KLC3: variants seen among roughly 807,000 people sequenced by gnomAD.
KLC3 encodes kinesin light chain 2.
In KLC3, 72 loss-of-function variants were observed where a neutral mutation model predicts 62.9. The observed-to-expected ratio is 1.15, with a 90% confidence interval of 0.95 to 1.39. The LOEUF (loss-of-function observed/expected upper bound fraction) is 1.39, where lower values mean the gene tolerates loss of function less well. KLC3 is among the 40% of genes most tolerant of loss of function. The probability of loss-of-function intolerance (pLI) is 0.00; values close to 1 mark genes in which losing one functional copy is unlikely to be tolerated. For missense variants in KLC3, 848 were observed against 691.6 expected, an observed-to-expected ratio of 1.23 and a Z score of -2.54; for synonymous variants, 377 against 300.5, an observed-to-expected ratio of 1.25 and a Z score of -2.63.
chr19:45,342,641 C>CTGTA (rs976027239), intron 1 of KLC3, among the ~76,000 whole-genome samples: 6 of 152,096 alleles, frequency 3.9e-5, no homozygotes, highest in Admixed American at 1.3e-4. Flanking sequence ...TGGCGGGCAC[C>CTGTA]TGTAATTCCA....
intron 5 of KLC3, 80 bp downstream of exon 5, chr19:45,348,240 C>T: frequency 3.1e-6 from 4 of 1,292,884 alleles, no homozygotes; most frequent in South Asian, 1.4e-5. Context: ...CCTGGTGCCC[C>T]CTCTGTCACC....
At chr19:45,342,455 T>G (rs1443746077) in intron 1 of KLC3, among the ~76,000 whole-genome samples, 1 of 152,002 alleles carries the variant, frequency 6.6e-6, no homozygotes, top group Non-Finnish European at 1.5e-5. Context: ...ATAGTTTAGT[T>G]TTTTAAAAAT....
chr19:45,348,211 T>C, intron 5 of KLC3, 51 bp downstream of exon 5: 1 of 1,474,302 alleles, frequency 6.8e-7, no homozygotes, highest in East Asian at 2.5e-5. Context: ...AGGGACCCAT[T>C]GGGTGCAAGT....
At chr19:45,349,775 G>T (rs532923155) in intron 8 of KLC3, 173 bp downstream of exon 8, 1 of 628,812 alleles carries the variant, frequency 1.6e-6, no homozygotes, top group Admixed American at 3.3e-5. Context: ...ACGGAATCAG[G>T]AAACGCGTAA....
At position 45,346,604 on chromosome 19, in the gene KLC3, TCGCAGGCCCGGCGGC is replaced by T; in HGVS notation, c.320_334del (p.Ser107_Arg111del). On this transcript the variant is annotated inframe_deletion, in exon 3 of 13. Transcript: ENST00000391946. ...GGAGGCAGAGAAGCAGCGGCTGCGCTCGCAGGCCCGGCGGCTGGCCCAGGAGAACGTGTGGCTGCG... is the reference window on the plus strand; with the variant it reads ...GGAGGCAGAGAAGCAGCGGCTGCGCTTGGCCCAGGAGAACGTGTGGCTGCG... 6.5e-7 allele frequency: 1 copy of T among 1,550,176 alleles called. No homozygotes were observed. The highest frequency in any genetic ancestry group is 8.7e-7 in the Non-Finnish European group (1 of 1,146,844).
chr19:45,342,189 G>A (rs59355124), intron 1 of KLC3, among the ~76,000 whole-genome samples: 3,521 of 152,214 alleles, frequency 0.023, 147 homozygotes, highest in African/African-American at 0.079. Context: ...GTGAAGAATG[G>A]TTGTGGTTGT....
At chr19:45,341,576 T>TGCGCGC (rs1188553164) in intron 1 of KLC3, among the ~76,000 whole-genome samples, 2 of 129,912 alleles carry the variant, frequency 1.5e-5, no homozygotes, top group African/African-American at 2.6e-5. Flanking sequence ...TGTGTGTGTG[T>TGCGCGC]GTGCGCGCGC....
Position 45,346,743 on chromosome 19 carries a change from T to C in KLC3, c.458T>C (p.Leu153Pro), listed in dbSNP as rs1599708017. Reference sequence around the variant, plus strand: ...CGCCACCTGGAGTTCCTGGGGCAGCTGCGACAGTACGACCCACCGGCGGAG... The same window carrying C: ...CGCCACCTGGAGTTCCTGGGGCAGCCGCGACAGTACGACCCACCGGCGGAG... ...EKRHLEFLGQ[L>P]RQYDPPAESQ... The change falls in exon 3 of 13, where the codon CTG becomes CCG. Residue 153 changes from leucine (L) to proline (P), a missense_variant. Coordinates refer to ENST00000391946, the MANE Select transcript of KLC3 (RefSeq NM_177417.3). The C allele has an allele frequency of 1.9e-6, 3 of 1,588,268 alleles. No individual in the cohort carries two copies. The African/African-American group carries it at 4.0e-5, about 21-fold the overall frequency.
rs1971748502 is a variant in KLC3, at chr19:45,351,169, T to C, written c.1444-117T>C. 6.9e-6 allele frequency: 11 copies of C among 1,587,786 alleles called. No individual in the cohort carries two copies. In the South Asian group the frequency reaches 1.3e-4, roughly 18 times the overall value. On this transcript the variant is annotated intron_variant, in intron 12 of 12. Transcript: ENST00000391946. ...GGACAGGAGCAAAGATGGGTTTTAC[T>C]TGGGGTAGAGGCGAGGGGGTTGGAT...
intron 1 of KLC3, among the ~76,000 whole-genome samples, chr19:45,341,588 CGTGT>C (rs973477684): frequency 7.6e-5 from 10 of 132,438 alleles, no homozygotes; most frequent in Non-Finnish European, 1.6e-4. Flanking sequence ...TGCGCGCGCG[CGTGT>C]GGTGGACAGT....
Position 45,349,605 on chromosome 19 carries a change from G to A in KLC3, c.1143+3G>A. ...TGGCCAAGACCAAGAACAACCTGGT[G>A]AGGCCCCTGGGGCTCAGAGTGGGCC... is the stretch of plus-strand genomic sequence containing the variant. On this transcript the variant is annotated splice_donor_region_variant and intron_variant, in intron 8 of 12. Coordinates refer to ENST00000391946, the MANE Select transcript of KLC3 (RefSeq NM_177417.3). 3.1e-6 allele frequency: 5 copies of A among 1,607,366 alleles called. No homozygotes were observed. Among genetic ancestry groups the A allele is most frequent in the Non-Finnish European group, 4.3e-6 (5 of 1,175,748 alleles).
At chr19:45,350,024 C>G (rs966063617) in intron 8 of KLC3, 1 of 449,788 alleles carries the variant, frequency 2.2e-6, no homozygotes, top group Non-Finnish European at 4.0e-6. Context: ...AAACAGGAGG[C>G]TGCCTGTCCT....
chr19:45,343,291 GAGTT>G (rs1180176907), intron 1 of KLC3, among the ~76,000 whole-genome samples: 1 of 152,046 alleles, frequency 6.6e-6, no homozygotes, highest in Non-Finnish European at 1.5e-5. Context: ...GGGAGAGACA[GAGTT>G]AGTTTCTGCG....
intron 9 of KLC3, 40 bp from the exon 10 acceptor site, chr19:45,350,474 T>C (rs900823971): frequency 6.2e-6 from 10 of 1,613,286 alleles, no homozygotes; most frequent in Non-Finnish European, 8.5e-6. Flanking sequence ...TGGTGGCTTC[T>C]CTATGTCCCC....
At chr19:45,349,769 A>C in intron 8 of KLC3, 167 bp downstream of exon 8, 2 of 654,140 alleles carry the variant, frequency 3.1e-6, no homozygotes, top group Non-Finnish European at 5.0e-6. Flanking sequence ...CAGAACACGG[A>C]ATCAGGAAAC....
chr19:45,349,599 C>A lies in KLC3; in HGVS notation c.1140C>A (p.Asn380Lys), dbSNP rs772651455. ...HDPNVAKTKN[N>K]LASAYLKQNK... ...CCAACGTGGCCAAGACCAAGAACAACCTGGTGAGGCCCCTGGGGCTCAGAG... is the reference window on the plus strand; with the variant it reads ...CCAACGTGGCCAAGACCAAGAACAAACTGGTGAGGCCCCTGGGGCTCAGAG... Residue 380 changes from asparagine to lysine, a missense_variant, in exon 8 of 13, where the codon AAC becomes AAA. Physicochemically the swap from Asn to Lys is moderately conservative, Grantham distance 94. Transcript: ENST00000391946. 14 of 1,606,460 alleles carry A rather than the reference C, an allele frequency of 8.7e-6. No homozygotes were observed. Among genetic ancestry groups the A allele is most frequent in the Non-Finnish European group, 1.1e-5 (13 of 1,175,500 alleles).
chr19:45,346,670 C>T lies in KLC3; in HGVS notation c.385C>T (p.Arg129Trp), dbSNP rs777945495. Residue 129 changes from arginine to tryptophan, a missense_variant, in exon 3 of 13, where the codon CGG becomes TGG. Coordinates refer to ENST00000391946, the MANE Select transcript of KLC3 (RefSeq NM_177417.3). Reference protein sequence around the residue: ...LREELEETQRRLRASEESVAQ... With the variant: ...LREELEETQRWLRASEESVAQ... ...GGAGGAACTGGAGGAGACGCAGCGG[C>T]GGCTTCGGGCCAGCGAGGAGTCCGT... 66 of 1,558,388 alleles carry T rather than the reference C, an allele frequency of 4.2e-5. No homozygotes were observed. The highest frequency in any genetic ancestry group is 5.6e-5 in the Non-Finnish European group (64 of 1,152,968).
intron 5 of KLC3, 46 bp from the exon 6 acceptor site, chr19:45,348,600 C>T (rs1225300507): frequency 1.3e-6 from 2 of 1,538,960 alleles, no homozygotes; most frequent in South Asian, 2.4e-5. Context: ...CTGCAGCTGC[C>T]CCAACCCTTG....
chr19:45,351,096 G>C, intron 12 of KLC3, 79 bp downstream of exon 12: 1 of 1,610,980 alleles, frequency 6.2e-7, no homozygotes, highest in Non-Finnish European at 8.5e-7. Flanking sequence ...GGGCGGTCGG[G>C]CCAGTGGTGG....
Sources: gnomAD v4.1 joint callset for allele counts (sites outside exome capture counted in the v4.1 genomes callset) on GRCh38, gnomAD v4.1.1 for gene constraint, MANE v1.5 for transcripts, NCBI Gene and HGNC (gene_info 2026-07-23, HGNC 2026-07-21) for gene names.